Variants in GTF2A1L observed in about 807,000 individuals in gnomAD.
GTF2A1L encodes TFIIA-alpha and beta-like factor.
Under a neutral mutation model 49.7 loss-of-function variants are expected in GTF2A1L, and 48 were observed. That is an observed-to-expected ratio of 0.97 (90% CI 0.77 to 1.23). The LOEUF (loss-of-function observed/expected upper bound fraction) is 1.23. GTF2A1L is among the 50% of genes most tolerant of loss of function. GTF2A1L has a pLI of 0.00. For synonymous variants in GTF2A1L, 246 were observed against 193.5 expected (o/e 1.27, Z -2.25); for missense variants, 736 against 564.8 (o/e 1.30, Z -3.07).
At chr2:48,675,810 G>T (rs1055789870) in intron 8 of GTF2A1L, among the ~76,000 whole-genome samples, 2 of 151,188 alleles carry the variant, frequency 1.3e-5, no homozygotes, top group Non-Finnish European at 3.0e-5. Flanking sequence ...TGTGTAGCAT[G>T]GTTTCTTTAT....
intron 8 of GTF2A1L, among the ~76,000 whole-genome samples, chr2:48,678,089 C>A (rs1679572841): frequency 6.6e-6 from 1 of 151,386 alleles, no homozygotes; most frequent in East Asian, 1.9e-4. Context: ...TTTTTCAACA[C>A]AATTAGAGGT....
chr2:48,666,840 G>C (rs997397720), intron 6 of GTF2A1L, among the ~76,000 whole-genome samples: 1 of 151,700 alleles, frequency 6.6e-6, no homozygotes, highest in African/African-American at 2.4e-5. Context: ...TTTGTTCATG[G>C]ATTTTTTTCC....
In GTF2A1L at chr2:48,669,914, A is replaced by G; in HGVS notation, c.1171A>G (p.Ile391Val). The stretch of plus-strand genomic sequence containing the variant: ...GGTACCTGAAGAAGAAGCTGACAGT[A>G]TTTCAAATGAGGATTCAGCCACAAA... ...LKVPEEEADSISNEDSATNSS... is the reference protein window; with the variant it reads ...LKVPEEEADSVSNEDSATNSS... The change falls in exon 7 of 9, where the codon ATT becomes GTT. Residue 391 changes from isoleucine to valine, a missense_variant. Ile to Val is a conservative substitution (Grantham distance 29, BLOSUM62 3). Transcript: ENST00000403751. 2 of 1,614,128 alleles carry G rather than the reference A, an allele frequency of 1.2e-6. No homozygotes were observed. The highest frequency in any genetic ancestry group is 1.7e-6 in the Non-Finnish European group (2 of 1,180,008).
intron 3 of GTF2A1L, among the ~76,000 whole-genome samples, chr2:48,639,204 A>G (rs994082104): frequency 2.0e-5 from 3 of 152,208 alleles, no homozygotes; most frequent in Non-Finnish European, 4.4e-5. Flanking sequence ...ACACTATTTT[A>G]AAACTCATAT....
chr2:48,618,733 A>G (rs749016863), intron 1 of GTF2A1L, among the ~76,000 whole-genome samples: 64 of 152,334 alleles, frequency 4.2e-4, no homozygotes, highest in South Asian at 2.3e-3. Context: ...ATGTATGCCA[A>G]TTTATCTGAT....
intron 6 of GTF2A1L, among the ~76,000 whole-genome samples, chr2:48,659,452 A>G (rs1414614888): frequency 6.6e-6 from 1 of 152,048 alleles, no homozygotes; most frequent in South Asian, 2.1e-4. Context: ...TGTTTTGGCT[A>G]TTTGGCATTC....
chr2:48,649,218 A>G (rs1033045688), intron 6 of GTF2A1L, among the ~76,000 whole-genome samples: 5 of 152,214 alleles, frequency 3.3e-5, no homozygotes, highest in Non-Finnish European at 5.9e-5. Context: ...TTCACTTAGT[A>G]TAATGTTTTC....
At chr2:48,678,705 T>C (rs1679602982) in intron 8 of GTF2A1L, among the ~76,000 whole-genome samples, 1 of 152,124 alleles carries the variant, frequency 6.6e-6, no homozygotes, top group Admixed American at 6.6e-5. Flanking sequence ...TTATAAGCTG[T>C]ATATTCTGAC....
Position 48,677,017 on chromosome 2 carries a change from T to A in GTF2A1L, c.1330-2318T>A, listed in dbSNP as rs199807344. 4.6e-5 allele frequency among the ~76,000 whole-genome samples: 7 copies of A among 152,044 alleles called. No individual in the cohort carries two copies. In the East Asian group the frequency reaches 5.8e-4, roughly 13 times the overall value. ...TGTTAAGACATGATTTATCATCTGC[T>A]ACTGCATTTCTAAATGTATTTGGGT... On this transcript the variant is annotated intron_variant, in intron 8 of 8. Transcript: ENST00000403751.
At chr2:48,663,618 A>G (rs1042633902) in intron 6 of GTF2A1L, among the ~76,000 whole-genome samples, 1 of 152,216 alleles carries the variant, frequency 6.6e-6, no homozygotes, top group Non-Finnish European at 1.5e-5. Flanking sequence ...ATAAAATGCT[A>G]TATAATAAAC....
At chr2:48,667,270 G>C (rs1475718122) in intron 6 of GTF2A1L, among the ~76,000 whole-genome samples, 1 of 151,974 alleles carries the variant, frequency 6.6e-6, no homozygotes. Flanking sequence ...CATTAATTTT[G>C]ATTGAATGTC....
intron 3 of GTF2A1L, among the ~76,000 whole-genome samples, chr2:48,642,143 A>G (rs556736226): frequency 6.6e-6 from 1 of 152,300 alleles, no homozygotes; most frequent in South Asian, 2.1e-4. Flanking sequence ...TTTGTTATGG[A>G]TTTCCAAAGT....
chr2:48,663,591 T>C (rs1340636875), intron 6 of GTF2A1L, among the ~76,000 whole-genome samples: 2 of 152,358 alleles, frequency 1.3e-5, no homozygotes, highest in South Asian at 2.1e-4. Context: ...ATGTATTTTT[T>C]GAAAATAATT....
chr2:48,675,051 A>G (rs1468802654), intron 8 of GTF2A1L, among the ~76,000 whole-genome samples: 1 of 152,192 alleles, frequency 6.6e-6, no homozygotes. Context: ...TCTTTATGAA[A>G]GAAAAACTTT....
chr2:48,643,691 C>G (rs1477468124), intron 4 of GTF2A1L, among the ~76,000 whole-genome samples: 1 of 136,428 alleles, frequency 7.3e-6, no homozygotes, highest in South Asian at 2.4e-4. Flanking sequence ...CATATTAATA[C>G]AATTTTTTTT....
At chr2:48,634,630 C>T (rs1676782093) in intron 3 of GTF2A1L, among the ~76,000 whole-genome samples, 2 of 152,144 alleles carry the variant, frequency 1.3e-5, no homozygotes, top group Admixed American at 1.3e-4. Flanking sequence ...TCTGAAAAAA[C>T]CTTTATTTCT....
At chr2:48,660,679 C>T (rs1430558406) in intron 6 of GTF2A1L, among the ~76,000 whole-genome samples, 1 of 151,936 alleles carries the variant, frequency 6.6e-6, no homozygotes, top group African/African-American at 2.4e-5. Context: ...GTCTCTGTCG[C>T]CCAGGCTGAA....
intron 6 of GTF2A1L, among the ~76,000 whole-genome samples, chr2:48,647,380 T>C (rs946857400): frequency 1.3e-5 from 2 of 152,156 alleles, no homozygotes; most frequent in African/African-American, 4.8e-5. Flanking sequence ...TCTAAATTTT[T>C]CATTTCAATA....
chr2:48,671,485 T>G, intron 7 of GTF2A1L, 106 bp from the exon 8 acceptor site: 148 of 1,165,058 alleles, frequency 1.3e-4, no homozygotes, highest in Non-Finnish European at 1.6e-4. Flanking sequence ...ATTATAGGAA[T>G]GAGCCACCAC....
Sources: gnomAD v4.1 joint callset for allele counts (sites outside exome capture counted in the v4.1 genomes callset) on GRCh38, gnomAD v4.1.1 for gene constraint, MANE v1.5 for transcripts, NCBI Gene and HGNC (gene_info 2026-07-23, HGNC 2026-07-21) for gene names.